The following MAX variants were observed in gnomAD, a reference collection of about 807,000 sequenced individuals.
The protein encoded by MAX is protein max.
In MAX, 3 loss-of-function variants were observed where a neutral mutation model predicts 22.3. The ratio of observed to expected loss-of-function variants is 0.13; its 90% CI spans 0.06 to 0.35. The LOEUF (loss-of-function observed/expected upper bound fraction) is 0.35. MAX is among the 10% of genes least tolerant of loss of function. The pLI is 1.00. For synonymous variants in MAX, 72 were observed against 77.7 expected (o/e 0.93, Z 0.39); for missense variants, 119 against 209.4 (o/e 0.57, Z 2.66).
chr14:65,102,248 C>G (rs2139975322), intron 1 of MAX, 56 bp downstream of exon 1: 1 of 1,608,674 alleles, frequency 6.2e-7, no homozygotes, highest in Non-Finnish European at 8.5e-7. Flanking sequence ...CTAAGAGCCC[C>G]GGCCGCTGTC....
At chr14:65,035,947 T>C (rs2062180013) in intron 3 of MAX, among the ~76,000 whole-genome samples, 1 of 151,734 alleles carries the variant, frequency 6.6e-6, no homozygotes, top group Admixed American at 6.6e-5. Context: ...TCTTCCCACC[T>C]CAGCCTCCTG....
chr14:65,027,330 G>C lies in MAX; in HGVS notation c.172-21046C>G. On this transcript the variant is annotated intron_variant, in intron 3 of 3. Coordinates refer to the MAX transcript ENST00000341653. This position sits in a 1 kb window ranked among gnomAD's most constrained non-coding sequence, Gnocchi z 5.7. ...AGGTTATATTCAACAAGTGGGAGGA[G>C]AGGTTCCCCTCAACTTTTGAGGGAG... 6.8e-7 allele frequency: 1 copy of C among 1,461,016 alleles called. No individual in the cohort carries two copies. Among genetic ancestry groups the C allele is most frequent in the Non-Finnish European group, 9.3e-7 (1 of 1,078,238 alleles). 90.5% of individuals were successfully genotyped at this position (1,461,016 alleles called of 1,614,324 possible). A position where few individuals can be genotyped will look rare whatever the true frequency, so the allele number is the denominator to read the frequency against.
chr14:65,040,792 G>A (rs1397259530), intron 3 of MAX: 1 of 1,612,812 alleles, frequency 6.2e-7, no homozygotes, highest in Non-Finnish European at 8.5e-7. Flanking sequence ...CTTCTTAGGT[G>A]TCAGAACTGG....
At chr14:65,018,905 G>GT (rs1466943973) in intron 3 of MAX, among the ~76,000 whole-genome samples, 1 of 151,962 alleles carries the variant, frequency 6.6e-6, no homozygotes, top group Non-Finnish European at 1.5e-5. Context: ...GAGGTCGGGA[G>GT]TTTGAGACCA....
intron 3 of MAX, among the ~76,000 whole-genome samples, chr14:65,066,863 A>C (rs2062935498): frequency 2.4e-5 from 1 of 41,492 alleles, no homozygotes; most frequent in African/African-American, 1.3e-4. Context: ...ATTCCATCTC[A>C]AAAAAAAAAA....
intron 3 of MAX, among the ~76,000 whole-genome samples, chr14:65,019,388 GA>G (rs1444177081): frequency 2.0e-5 from 3 of 151,764 alleles, no homozygotes; most frequent in African/African-American, 7.3e-5. Flanking sequence ...TCGGGAGACT[GA>G]AGCAGGAGAA....
At chr14:65,025,626 G>A (rs2061966072) in intron 3 of MAX, among the ~76,000 whole-genome samples, 1 of 152,020 alleles carries the variant, frequency 6.6e-6, no homozygotes, top group South Asian at 2.1e-4. Flanking sequence ...ACTAGCCTGG[G>A]CAACATGGCG....
chr14:65,057,782 A>G lies in MAX; in HGVS notation c.171+35926T>C, dbSNP rs147508580. Among the ~76,000 whole-genome samples the G allele has an allele frequency of 3.5e-3, 527 of 152,338 alleles. 5 individuals carry two copies. The highest frequency in any genetic ancestry group is 0.012 in the African/African-American group (511 of 41,578). ...TATCTTTTTTCCATATGGATAACCAATTGACCAGCACCATTTACTGAAGTC... is the reference window on the plus strand; with the variant it reads ...TATCTTTTTTCCATATGGATAACCAGTTGACCAGCACCATTTACTGAAGTC... On this transcript the variant is annotated intron_variant, in intron 3 of 3. Coordinates refer to the MAX transcript ENST00000341653.
At chr14:65,060,418 GTC>G (rs780002639) in intron 3 of MAX, among the ~76,000 whole-genome samples, 61 of 146,802 alleles carry the variant, frequency 4.2e-4, no homozygotes, top group Admixed American at 7.3e-4. Flanking sequence ...GTGAAACCCT[GTC>G]TCTACTAAAA....
At position 65,088,343 on chromosome 14, in the gene MAX, T is replaced by G. The variant is rs2139832384; in HGVS notation, c.171+5365A>C. ...GGTTTTCAGCAGCATGCAAATAATT[T>G]ATAAGAAATTAAATGCATTTACAAT... On this transcript the variant is annotated intron_variant, in intron 3 of 4. Coordinates refer to ENST00000358664, the MANE Select transcript of MAX (RefSeq NM_002382.5). This position sits in a 1 kb window ranked among gnomAD's most constrained non-coding sequence, Gnocchi z 5.2. Among the ~76,000 whole-genome samples the G allele has an allele frequency of 6.6e-6, 1 of 152,256 alleles. No individual in the cohort carries two copies. The highest frequency in any genetic ancestry group is 2.1e-4 in the South Asian group (1 of 4,824).
chr14:65,061,158 G>A, intron 3 of MAX: 1 of 1,613,246 alleles, frequency 6.2e-7, no homozygotes, highest in Non-Finnish European at 8.5e-7. Flanking sequence ...GTGATTAACT[G>A]GCACCTTTTC....
rs2061616906 is a variant in MAX, at chr14:65,007,724, T to C, written c.172-1440A>G. On this transcript the variant is annotated intron_variant, in intron 3 of 3. Coordinates refer to the MAX transcript ENST00000341653. The surrounding 1 kb of genome is among the most constrained non-coding windows in gnomAD (Gnocchi z 4.9). ...CATTTTTTCTTCCCTGTGGGTATTGTCACGGTTTCACACCCTTTTGAATGT... is the reference window on the plus strand; with the variant it reads ...CATTTTTTCTTCCCTGTGGGTATTGCCACGGTTTCACACCCTTTTGAATGT... Among the ~76,000 whole-genome samples, 2 of 152,244 alleles carry C rather than the reference T, an allele frequency of 1.3e-5. No homozygotes were observed. The highest frequency in any genetic ancestry group is 4.8e-5 in the African/African-American group (2 of 41,470).
In MAX at chr14:65,084,196, T is replaced by G. The variant is rs1327841408; in HGVS notation, c.172-6160A>C. On this transcript the variant is annotated intron_variant, in intron 3 of 4. Coordinates refer to ENST00000358664, the MANE Select transcript of MAX (RefSeq NM_002382.5). This position sits in a 1 kb window ranked among gnomAD's most constrained non-coding sequence, Gnocchi z 4.3. ...AATCATTTTTTAAATCTTGCATTCT[T>G]TTTTCTTGTGCACTTGGTAGCTTGA... 2 of 1,614,036 alleles carry G rather than the reference T, an allele frequency of 1.2e-6. No individual in the cohort carries two copies. Among genetic ancestry groups the G allele is most frequent in the South Asian group, 2.2e-5 (2 of 91,084 alleles).
intron 3 of MAX, among the ~76,000 whole-genome samples, chr14:65,065,076 C>T (rs1566588739): frequency 6.6e-6 from 1 of 152,236 alleles, no homozygotes; most frequent in Non-Finnish European, 1.5e-5. Flanking sequence ...GTGATCAATT[C>T]AGAGCACAAG....
Position 65,014,096 on chromosome 14 carries a change from C to T in MAX, c.172-7812G>A, listed in dbSNP as rs922648376. 6.6e-6 allele frequency among the ~76,000 whole-genome samples: 1 copy of T among 152,152 alleles called. No homozygotes were observed. Among genetic ancestry groups the T allele is most frequent in the Non-Finnish European group, 1.5e-5 (1 of 68,038 alleles). ...ATAGTTTTGAAGAGAGCAGCTTGGG[C>T]CAACGGAAAGAACACTGGATTGACT... On this transcript the variant is annotated intron_variant, in intron 3 of 3. Transcript: ENST00000341653. The surrounding 1 kb of genome is among the most constrained non-coding windows in gnomAD (Gnocchi z 5.1).
At chr14:65,046,936 CAG>C (rs754844418) in intron 3 of MAX, among the ~76,000 whole-genome samples, 16 of 151,694 alleles carry the variant, frequency 1.1e-4, no homozygotes, top group South Asian at 2.1e-4. Context: ...TTTACAGAAA[CAG>C]GGAAATTCTA....
intron 2 of MAX, among the ~76,000 whole-genome samples, chr14:65,096,090 G>A (rs991329938): frequency 2.0e-5 from 3 of 152,198 alleles, no homozygotes; most frequent in African/African-American, 7.2e-5. Flanking sequence ...TGGGGAGCCA[G>A]CCAAGTTTGA....
At chr14:65,046,991 GTGATGAA>G (rs1233159214) in intron 3 of MAX, among the ~76,000 whole-genome samples, 1 of 152,104 alleles carries the variant, frequency 6.6e-6, no homozygotes, top group African/African-American at 2.4e-5. Context: ...TTTATAACAA[GTGATGAA>G]TGGCTAATTT....
intron 3 of MAX, among the ~76,000 whole-genome samples, chr14:65,064,956 C>G (rs988566746): frequency 1.3e-5 from 2 of 152,238 alleles, no homozygotes; most frequent in African/African-American, 2.4e-5. Flanking sequence ...AGGCCCAGGC[C>G]CTGACTGGCT....
Sources: gnomAD v4.1 joint callset for allele counts (sites outside exome capture counted in the v4.1 genomes callset) on GRCh38, gnomAD v4.1.1 for gene constraint, Gnocchi (gnomAD v3.1) non-coding constraint, MANE v1.5 for transcripts, NCBI Gene and HGNC (gene_info 2026-07-23, HGNC 2026-07-21) for gene names.